Variants in MAMDC2 observed in about 807,000 individuals in gnomAD.
MAMDC2 encodes MAM domain-containing protein 2.
Under a neutral mutation model 89.8 loss-of-function variants are expected in MAMDC2, and 57 were observed. The observed-to-expected ratio is 0.63, with a 90% CI of 0.51 to 0.79. MAMDC2 has a LOEUF of 0.79. MAMDC2 is among the 30% of genes least tolerant of loss of function. MAMDC2 has a pLI of 0.00. For missense variants in MAMDC2, 800 were observed against 820.6 expected (o/e 0.97, Z 0.31); for synonymous variants, 313 against 293.4 (o/e 1.07, Z -0.68).
chr9:70,112,992 C>T lies in MAMDC2; in HGVS notation c.506-3C>T, dbSNP rs1828549910. ...ATGAAGTGTTTTTGTTTCCCTTCCCCAGAATGTGACTTTGAAGAAAATCAT... is the reference window on the plus strand; with the variant it reads ...ATGAAGTGTTTTTGTTTCCCTTCCCTAGAATGTGACTTTGAAGAAAATCAT... On this transcript the variant is annotated splice_polypyrimidine_tract_variant and splice_region_variant and intron_variant, in intron 4 of 13. Transcript: ENST00000377182. 1.2e-6 allele frequency: 2 copies of T among 1,613,952 alleles called. No individual in the cohort carries two copies. Among genetic ancestry groups the T allele is most frequent in the East Asian group, 2.2e-5 (1 of 44,874 alleles).
chr9:70,124,742 A>C (rs2030451884), intron 5 of MAMDC2, among the ~76,000 whole-genome samples: 1 of 152,162 alleles, frequency 6.6e-6, no homozygotes, highest in Admixed American at 6.5e-5. Context: ...GGTCTTGCTT[A>C]TCACCCAGGC....
intron 11 of MAMDC2, among the ~76,000 whole-genome samples, chr9:70,204,926 C>T (rs1288402765): frequency 6.6e-6 from 1 of 152,170 alleles, no homozygotes; most frequent in African/African-American, 2.4e-5. Context: ...GCGCATGGTG[C>T]GCACACCCAC....
intron 2 of MAMDC2, among the ~76,000 whole-genome samples, chr9:70,081,329 G>C (rs1827649275): frequency 6.6e-6 from 1 of 152,112 alleles, no homozygotes; most frequent in South Asian, 2.1e-4. Context: ...CCTGGAGGGG[G>C]AGGGAATGTC....
At chr9:70,128,170 T>C (rs2030645843) in intron 6 of MAMDC2, among the ~76,000 whole-genome samples, 2 of 152,202 alleles carry the variant, frequency 1.3e-5, no homozygotes, top group African/African-American at 4.8e-5. Context: ...CAAGTGAATT[T>C]TGAGAAGGAA....
intron 2 of MAMDC2, among the ~76,000 whole-genome samples, chr9:70,075,434 G>A (rs1465896980): frequency 6.6e-6 from 1 of 152,194 alleles, no homozygotes; most frequent in Non-Finnish European, 1.5e-5. Context: ...TACCAGATCA[G>A]AATATCTGCA....
chr9:70,092,969 T>G (rs954662554), intron 2 of MAMDC2, among the ~76,000 whole-genome samples: 22 of 152,224 alleles, frequency 1.4e-4, no homozygotes, highest in African/African-American at 5.3e-4. Context: ...TGTTCCTACT[T>G]GCTTTTATCC....
chr9:70,168,874 T>G (rs1587538217), intron 10 of MAMDC2, 79 bp downstream of exon 10: 1 of 1,199,950 alleles, frequency 8.3e-7, no homozygotes, highest in Non-Finnish European at 1.2e-6. Flanking sequence ...TCACATACAT[T>G]TCATCTGTGC....
chr9:70,071,804 G>A (rs547566660), intron 2 of MAMDC2: 1 of 152,134 alleles, frequency 6.6e-6, no homozygotes, highest in Non-Finnish European at 1.5e-5. Context: ...GGGAGAGCAC[G>A]TGAGCTTGGA....
At chr9:70,171,091 T>G (rs75930057) in intron 11 of MAMDC2, 11,042 of 158,900 alleles carry the variant, frequency 0.069, 611 homozygotes, top group East Asian at 0.22. Flanking sequence ...CTATAAGCAA[T>G]GATGGGGTGC....
intron 4 of MAMDC2, among the ~76,000 whole-genome samples, chr9:70,110,563 C>G (rs1828482766): frequency 6.6e-6 from 1 of 152,148 alleles, no homozygotes; most frequent in Admixed American, 6.5e-5. Context: ...AGGGCAGGTT[C>G]AGGCAAAGGC....
chr9:70,133,619 T>A (rs557023171), intron 7 of MAMDC2, among the ~76,000 whole-genome samples: 4 of 152,202 alleles, frequency 2.6e-5, no homozygotes, highest in Non-Finnish European at 5.9e-5. Flanking sequence ...TGGATTCACA[T>A]CCCTATTCTG....
chr9:70,218,651 G>A lies in MAMDC2; in HGVS notation c.1911+55G>A, dbSNP rs2033495698. 2.7e-6 allele frequency: 4 copies of A among 1,509,258 alleles called. No homozygotes were observed. In the South Asian group the frequency reaches 4.1e-5, roughly 15 times the overall value. 93.5% of individuals were successfully genotyped at this position (1,509,258 alleles called of 1,614,324 possible). Reference sequence around the variant, plus strand: ...TGGAAAACGTGTAGGAGCTTCTGATGTTCTTTCTTATTCTTGCTACCAAAG... The same window carrying A: ...TGGAAAACGTGTAGGAGCTTCTGATATTCTTTCTTATTCTTGCTACCAAAG... On this transcript the variant is annotated intron_variant, in intron 12 of 13. Coordinates refer to ENST00000377182, the MANE Select transcript of MAMDC2 (RefSeq NM_153267.5).
At chr9:70,144,360 G>A (rs918364198) in intron 9 of MAMDC2, among the ~76,000 whole-genome samples, 4 of 152,140 alleles carry the variant, frequency 2.6e-5, no homozygotes, top group South Asian at 2.1e-4. Flanking sequence ...TAAGGGAACC[G>A]TCAGCATCTG....
intron 8 of MAMDC2, among the ~76,000 whole-genome samples, chr9:70,141,596 A>T (rs1303986993): frequency 6.6e-6 from 1 of 152,246 alleles, no homozygotes; most frequent in Non-Finnish European, 1.5e-5. Context: ...TGTAAGACAG[A>T]TTAACAAGAA....
At chr9:70,113,871 G>A (rs1387505576) in intron 5 of MAMDC2, 1 of 152,206 alleles carries the variant, frequency 6.6e-6, no homozygotes, top group East Asian at 1.9e-4. Flanking sequence ...CTTTCAACAA[G>A]AACAAGAACA....
chr9:70,057,781 A>T (rs1327943493), intron 2 of MAMDC2, among the ~76,000 whole-genome samples: 2 of 152,228 alleles, frequency 1.3e-5, no homozygotes, highest in African/African-American at 4.8e-5. Context: ...CAAGTGATTT[A>T]AAGACTTTTC....
intron 12 of MAMDC2, among the ~76,000 whole-genome samples, chr9:70,222,706 C>T (rs1418779696): frequency 2.0e-5 from 3 of 152,096 alleles, no homozygotes; most frequent in Non-Finnish European, 4.4e-5. Flanking sequence ...GACTTTTCCT[C>T]CTTGGTTTCT....
chr9:70,099,116 AT>A (rs570023936), intron 2 of MAMDC2, among the ~76,000 whole-genome samples: 74 of 152,270 alleles, frequency 4.9e-4, no homozygotes, highest in South Asian at 3.3e-3. Context: ...AATATTTGTG[AT>A]TTTTTTCTTA....
chr9:70,181,204 G>C (rs1563989694), intron 11 of MAMDC2, among the ~76,000 whole-genome samples: 1 of 152,112 alleles, frequency 6.6e-6, no homozygotes, highest in South Asian at 2.1e-4. Flanking sequence ...CTGTTCCATT[G>C]GTCTATATGT....
Sources: gnomAD v4.1 joint callset for allele counts (sites outside exome capture counted in the v4.1 genomes callset) on GRCh38, gnomAD v4.1.1 for gene constraint, MANE v1.5 for transcripts, NCBI Gene and HGNC (gene_info 2026-07-23, HGNC 2026-07-21) for gene names.